The following EFCAB14 variants were observed in gnomAD, a reference collection of about 807,000 sequenced individuals.
EFCAB14 encodes EF-hand calcium-binding domain-containing protein 14.
A neutral mutation model predicts 56.5 loss-of-function variants in EFCAB14; 43 were observed. The observed-to-expected ratio is 0.76, with a 90% CI of 0.60 to 0.98. EFCAB14 has a LOEUF of 0.98. Among genes scored for constraint, EFCAB14 ranks in the 50% least tolerant of loss-of-function variants. The pLI is 0.00. For missense variants in EFCAB14, 538 were observed against 580.3 expected, an observed-to-expected ratio of 0.93 and a Z score of 0.75; for synonymous variants, 235 against 212.9, an observed-to-expected ratio of 1.10 and a Z score of -0.90.
chr1:46,683,224 T>C lies in EFCAB14; in HGVS notation c.1312+76A>G. 2.0e-6 allele frequency: 3 copies of C among 1,502,692 alleles called. 1 individual carries two copies. The highest frequency in any genetic ancestry group is 4.5e-5 in the East Asian group (2 of 43,958). The allele number at this position is 1,502,692 out of a possible 1,614,324, so 93.1% of individuals were successfully genotyped here. ...AATAAATGTTAGATCATATATATTTTTGACAAGTGAAAATAAACATTAAAA... is the reference window on the plus strand; with the variant it reads ...AATAAATGTTAGATCATATATATTTCTGACAAGTGAAAATAAACATTAAAA... On this transcript the variant is annotated intron_variant, in intron 10 of 10. Coordinates refer to ENST00000371933, the MANE Select transcript of EFCAB14 (RefSeq NM_014774.3).
intron 3 of EFCAB14, 133 bp downstream of exon 3, chr1:46,707,773 T>C (rs1450056428): frequency 2.4e-6 from 2 of 821,016 alleles, no homozygotes; most frequent in African/African-American, 1.8e-5. Flanking sequence ...GATTACAGTA[T>C]GCAAAACCCC....
intron 3 of EFCAB14, among the ~76,000 whole-genome samples, chr1:46,705,960 G>T (rs1032640089): frequency 1.3e-5 from 2 of 151,816 alleles, no homozygotes; most frequent in African/African-American, 2.4e-5. Flanking sequence ...AAACTCAAAG[G>T]CTCAAGCAAT....
Position 46,683,312 on chromosome 1 carries a change from A to G in EFCAB14, c.1300T>C (p.Ser434Pro), listed in dbSNP as rs187139037. The change falls in exon 10 of 11, where the codon TCT (serine) becomes CCT (proline). Residue 434 changes from serine to proline, a missense_variant. Ser to Pro is a moderately conservative substitution (Grantham distance 74). Coordinates refer to ENST00000371933, the MANE Select transcript of EFCAB14 (RefSeq NM_014774.3). Reference protein sequence around the residue: ...QLRPISLPGVSSTEDLQDLFR... With the variant: ...QLRPISLPGVPSTEDLQDLFR... Reference sequence around the variant, plus strand: ...TATAAAAATTTACCTTCAGTGCTAGAAACTCCTGGTAGGGAGATAGGTCTT... The same window carrying G: ...TATAAAAATTTACCTTCAGTGCTAGGAACTCCTGGTAGGGAGATAGGTCTT... 3.7e-6 allele frequency: 6 copies of G among 1,613,876 alleles called. No individual in the cohort carries two copies. The highest frequency in any genetic ancestry group is 5.1e-6 in the Non-Finnish European group (6 of 1,179,898).
At position 46,688,533 on chromosome 1, in the gene EFCAB14, G is replaced by A. The variant is rs1217438008; in HGVS notation, c.807C>T (p.Tyr269=). The change falls in exon 7 of 11, where the codon TAC becomes TAT. Residue 269 remains tyrosine, a synonymous_variant. Coordinates refer to ENST00000371933, the MANE Select transcript of EFCAB14 (RefSeq NM_014774.3). ...TTACCTCCTCTAAAGAGTTGTGAAG[G>A]TACAGGATATCCTAGAGTGGAAATA... is the stretch of plus-strand genomic sequence containing the variant. ...HSENLKQDIL[Y]LHNSLEEVNS... is the part of the protein sequence containing the mutation. 2 of 1,612,868 alleles carry A rather than the reference G, an allele frequency of 1.2e-6. No individual in the cohort carries two copies. The highest frequency in any genetic ancestry group is 1.7e-6 in the Non-Finnish European group (2 of 1,179,396).
rs748635525 is a variant in EFCAB14, at chr1:46,716,390, A to G, written c.239T>C (p.Ile80Thr). 1 of 1,614,028 alleles carries G rather than the reference A, an allele frequency of 6.2e-7. No homozygotes were observed. Among genetic ancestry groups the G allele is most frequent in the Non-Finnish European group, 8.5e-7 (1 of 1,180,024 alleles). The change falls in exon 2 of 11, where the codon ATC (isoleucine) becomes ACC (threonine). Residue 80 changes from isoleucine to threonine, a missense_variant. Physicochemically the swap from Ile to Thr is moderately conservative, Grantham distance 89 (BLOSUM62 -1). Coordinates refer to ENST00000371933, the MANE Select transcript of EFCAB14 (RefSeq NM_014774.3). ...KICYPLCGFVILAACVVACVG... is the reference protein window; with the variant it reads ...KICYPLCGFVTLAACVVACVG... Reference sequence around the variant, plus strand: ...ACAGGCCACAACACAGGCAGCAAGGATGACAAAACCACAGAGCGGATAACA... The same window carrying G: ...ACAGGCCACAACACAGGCAGCAAGGGTGACAAAACCACAGAGCGGATAACA...
intron 4 of EFCAB14, among the ~76,000 whole-genome samples, chr1:46,694,199 A>G (rs1677043752): frequency 6.6e-6 from 1 of 152,212 alleles, no homozygotes. Flanking sequence ...CACCAAAAGC[A>G]ATGGCAACAA....
Position 46,716,407 on chromosome 1 carries a change from C to T in EFCAB14, c.222G>A (p.Pro74=), listed in dbSNP as rs201898632. ...CAGCAAGGATGACAAAACCACAGAG[C>T]GGATAACAGATCTTGCAGCATCGTA... is the stretch of plus-strand genomic sequence containing the variant. The part of the protein sequence containing the change: ...DYLRCCKICY[P]LCGFVILAAC... Residue 74 remains proline, a synonymous_variant, in exon 2 of 11, where the codon CCG becomes CCA. Transcript: ENST00000371933. The T allele has an allele frequency of 3.4e-5, 55 of 1,614,050 alleles. No individual in the cohort carries two copies. The highest frequency in any genetic ancestry group is 1.6e-4 in the Middle Eastern group (1 of 6,062).
rs751902287 is a variant in EFCAB14 at position 46,689,590 on chromosome 1, T to C, written c.792A>G (p.Lys264=). Residue 264 remains lysine (K), a synonymous_variant, in exon 6 of 11, where the codon AAA becomes AAG. Coordinates refer to ENST00000371933, the MANE Select transcript of EFCAB14 (RefSeq NM_014774.3). ...TTAAGCCAGAGATAAAAAGCACCTG[T>C]TTCAAATTCTCACTGTGGGTTTTAT... ...LDNKTHSENL[K]QDILYLHNSL... The C allele has an allele frequency of 1.4e-5, 23 of 1,613,622 alleles. No homozygotes were observed. The Admixed American group carries it at 2.0e-4, about 14-fold the overall frequency.
chr1:46,714,710 G>C (rs1677361097), intron 2 of EFCAB14, among the ~76,000 whole-genome samples: 1 of 150,980 alleles, frequency 6.6e-6, no homozygotes, highest in Non-Finnish European at 1.5e-5. Flanking sequence ...GCTGACACGG[G>C]AAGACTGCTT....
chr1:46,678,564 G>A lies in EFCAB14; in HGVS notation c.1385C>T (p.Ser462Phe). 1 of 1,614,092 alleles carries A rather than the reference G, an allele frequency of 6.2e-7. No individual in the cohort carries two copies. The highest frequency in any genetic ancestry group is 1.1e-5 in the South Asian group (1 of 91,076). ...GKLTYQEIWT[S>F]LGSAMPEPES... The stretch of plus-strand genomic sequence containing the variant: ...TGGTTCTGGCATAGCAGAACCTAGG[G>A]AGGTCCAGATTTCCTGGTAGGTCAG... Residue 462 changes from serine (S) to phenylalanine (F), a missense_variant, in exon 11 of 11, where the codon TCC becomes TTC. Ser to Phe is a radical substitution (Grantham distance 155). Coordinates refer to ENST00000371933, the MANE Select transcript of EFCAB14 (RefSeq NM_014774.3).
intron 1 of EFCAB14, 144 bp from the exon 2 acceptor site, chr1:46,716,587 T>A: frequency 2.3e-6 from 2 of 857,510 alleles, no homozygotes; most frequent in Non-Finnish European, 3.6e-6. Flanking sequence ...GTAAAGCACT[T>A]AAATGAATAA....
At chr1:46,709,715 C>T (rs960755647) in intron 2 of EFCAB14, among the ~76,000 whole-genome samples, 3 of 152,074 alleles carry the variant, frequency 2.0e-5, no homozygotes, top group Non-Finnish European at 4.4e-5. Context: ...AGGCTGGGTG[C>T]GGTGGCTCAC....
intron 8 of EFCAB14, chr1:46,685,292 G>C (rs1676862552): frequency 6.6e-6 from 1 of 152,210 alleles, no homozygotes; most frequent in Admixed American, 6.5e-5. Flanking sequence ...ATTATAAAAA[G>C]AGAGACATCT....
At chr1:46,679,394 G>T (rs1314001953) in intron 10 of EFCAB14, among the ~76,000 whole-genome samples, 1 of 150,890 alleles carries the variant, frequency 6.6e-6, no homozygotes, top group East Asian at 2.0e-4. Context: ...TCTGCCTCCT[G>T]GGTTCAAGTG....
At chr1:46,697,854 CTT>C (rs759488898) in intron 3 of EFCAB14, among the ~76,000 whole-genome samples, 112 of 134,584 alleles carry the variant, frequency 8.3e-4, no homozygotes, top group Non-Finnish European at 1.4e-3. Context: ...CTCTCTCTCT[CTT>C]TTTTTTTTTT....
intron 2 of EFCAB14, among the ~76,000 whole-genome samples, chr1:46,715,644 A>G (rs535074149): frequency 7.2e-5 from 11 of 152,046 alleles, no homozygotes; most frequent in Admixed American, 2.0e-4. Context: ...GATGCAAGCC[A>G]TAAGTAGAGG....
intron 2 of EFCAB14, 96 bp from the exon 3 acceptor site, chr1:46,708,147 T>A: frequency 8.8e-7 from 1 of 1,139,092 alleles, no homozygotes; most frequent in Non-Finnish European, 1.2e-6. Context: ...GAAGATGGAT[T>A]AATAAAAGTT....
intron 1 of EFCAB14, among the ~76,000 whole-genome samples, chr1:46,717,334 A>G (rs1438444858): frequency 6.6e-6 from 1 of 152,144 alleles, no homozygotes; most frequent in Admixed American, 6.5e-5. Context: ...CTGAGCCCCA[A>G]TCCCAATGTC....
At chr1:46,706,314 G>A (rs891491694) in intron 3 of EFCAB14, among the ~76,000 whole-genome samples, 1 of 152,124 alleles carries the variant, frequency 6.6e-6, no homozygotes, top group Non-Finnish European at 1.5e-5. Context: ...AAAAATAATG[G>A]CAGGCTAAGA....
Sources: allele counts gnomAD v4.1 joint callset (sites outside exome capture counted in the v4.1 genomes callset), GRCh38; gene constraint gnomAD v4.1.1; transcripts MANE v1.5; gene names NCBI Gene and HGNC (gene_info 2026-07-23, HGNC 2026-07-21).